Variants in DNAH9 observed in about 807,000 individuals in gnomAD.
The protein encoded by DNAH9 is dynein axonemal heavy chain 9.
A neutral mutation model predicts 471.6 loss-of-function variants in DNAH9; 345 were observed. That is an observed-to-expected ratio of 0.73 (90% CI 0.67 to 0.80). The LOEUF (loss-of-function observed/expected upper bound fraction) is 0.80, where lower values mean the gene tolerates loss of function less well. Ranked by LOEUF, DNAH9 falls within the 30% of genes least tolerant of loss-of-function variation. The pLI, the probability that DNAH9 is intolerant of heterozygous loss-of-function variation, is 0.00. For missense variants in DNAH9, 5,407 were observed against 5,609.2 expected (o/e 0.96, Z 1.15); for synonymous variants, 2,093 against 2,123.6 (o/e 0.99, Z 0.40).
chr17:11,826,655 G>A (rs547035634), intron 48 of DNAH9, among the ~76,000 whole-genome samples: 1 of 149,922 alleles, frequency 6.7e-6, no homozygotes, highest in South Asian at 2.1e-4. Context: ...ATGGAGACGG[G>A]GTTTCACCGT....
intron 65 of DNAH9, among the ~76,000 whole-genome samples, chr17:11,936,001 A>C (rs963957910): frequency 7.2e-5 from 11 of 152,234 alleles, no homozygotes; most frequent in Non-Finnish European, 1.2e-4. Context: ...ATTCGACAGG[A>C]GGCTGGAGCA....
At chr17:11,960,360 C>G (rs748178750) in intron 67 of DNAH9, among the ~76,000 whole-genome samples, 1 of 140,718 alleles carries the variant, frequency 7.1e-6, no homozygotes, top group East Asian at 2.2e-4. Flanking sequence ...TCCTTGAGCT[C>G]GGGAGGCAGA....
At chr17:11,946,312 C>T (rs566513337) in intron 67 of DNAH9, among the ~76,000 whole-genome samples, 14 of 151,428 alleles carry the variant, frequency 9.2e-5, no homozygotes, top group Admixed American at 5.3e-4. Context: ...TCAGGAGGGG[C>T]AATCAACCAC....
chr17:11,611,735 A>G lies in DNAH9; in HGVS notation c.859A>G (p.Ser287Gly). ...CAAGCTCCTGGACAAGCTTCAGAGT[A>G]GCTACTTTCCAGCTTTCAAAGCCAT... Reference protein sequence around the residue: ...MAKLLDKLQSSYFPAFKAMYR... With the variant: ...MAKLLDKLQSGYFPAFKAMYR... Residue 287 changes from serine to glycine, a missense_variant, in exon 4 of 69, where the codon AGC becomes GGC. By Grantham distance (56) the Ser-to-Gly change is moderately conservative (BLOSUM62 0). Coordinates refer to ENST00000262442, the MANE Select transcript of DNAH9 (RefSeq NM_001372.4). 6.2e-7 allele frequency: 1 copy of G among 1,614,130 alleles called. No homozygotes were observed. Among genetic ancestry groups the G allele is most frequent in the Non-Finnish European group, 8.5e-7 (1 of 1,179,924 alleles).
intron 26 of DNAH9, among the ~76,000 whole-genome samples, chr17:11,714,858 G>A (rs2074932284): frequency 6.6e-6 from 1 of 152,086 alleles, no homozygotes; most frequent in Non-Finnish European, 1.5e-5. Flanking sequence ...CCTCAGAAGT[G>A]AATTCTGCCA....
At chr17:11,650,727 G>C (rs2150700265) in intron 12 of DNAH9, among the ~76,000 whole-genome samples, 1 of 152,292 alleles carries the variant, frequency 6.6e-6, no homozygotes, top group East Asian at 1.9e-4. Flanking sequence ...CCTTGGATGG[G>C]AACTGGCTGG....
At chr17:11,875,266 T>A (rs1972431912) in intron 53 of DNAH9, 82 bp downstream of exon 53, 1 of 1,031,264 alleles carries the variant, frequency 9.7e-7, no homozygotes, top group Non-Finnish European at 1.4e-6. Context: ...TTAAGCCCAG[T>A]GAATGGTTTG....
At chr17:11,644,255 A>G (rs758364674) in intron 10 of DNAH9, among the ~76,000 whole-genome samples, 2 of 152,208 alleles carry the variant, frequency 1.3e-5, no homozygotes, top group Non-Finnish European at 2.9e-5. Flanking sequence ...TGTATATAAC[A>G]TTGATGGTCT....
chr17:11,664,272 G>GGAGA (rs529645630), intron 14 of DNAH9, among the ~76,000 whole-genome samples: 5 of 150,364 alleles, frequency 3.3e-5, no homozygotes, highest in African/African-American at 1.2e-4. Context: ...AGGAAGGAGG[G>GGAGA]GAGAGAGAGA....
At chr17:11,874,494 G>T (rs1013787226) in intron 52 of DNAH9, among the ~76,000 whole-genome samples, 1 of 152,166 alleles carries the variant, frequency 6.6e-6, no homozygotes, top group African/African-American at 2.4e-5. Context: ...GTGAAACAGA[G>T]GAGAGGAAAG....
chr17:11,963,629 C>T (rs1976436156), intron 68 of DNAH9, among the ~76,000 whole-genome samples: 1 of 151,850 alleles, frequency 6.6e-6, no homozygotes, highest in African/African-American at 2.4e-5. Context: ...AACAAATCTG[C>T]ATATGTATCC....
chr17:11,956,503 C>T (rs1280522737), intron 67 of DNAH9, among the ~76,000 whole-genome samples: 4 of 152,094 alleles, frequency 2.6e-5, no homozygotes, highest in Non-Finnish European at 5.9e-5. Context: ...ATTTTACAGA[C>T]ACTCCAACAA....
chr17:11,636,194 C>T (rs985008033), intron 8 of DNAH9, among the ~76,000 whole-genome samples: 3 of 151,996 alleles, frequency 2.0e-5, no homozygotes, highest in South Asian at 4.2e-4. Context: ...TTAGTAGAGA[C>T]GGGGTTTCAC....
At chr17:11,607,396 G>A (rs1343276707) in intron 1 of DNAH9, among the ~76,000 whole-genome samples, 1 of 152,104 alleles carries the variant, frequency 6.6e-6, no homozygotes, top group East Asian at 1.9e-4. Context: ...AGGGGCTGTG[G>A]AAAGCACACT....
Position 11,837,076 on chromosome 17 carries a change from GGTA to G in DNAH9, c.9507+2181_9507+2183del, listed in dbSNP as rs36087684. Among the ~76,000 whole-genome samples the G allele has an allele frequency of 1.0e-3, 156 of 152,264 alleles. 1 individual carries two copies. The highest frequency in any genetic ancestry group is 3.6e-3 in the African/African-American group (150 of 41,538). On this transcript the variant is annotated intron_variant, in intron 49 of 68. Transcript: ENST00000262442. Reference sequence around the variant, plus strand: ...TACACAGTAAATATTTGTTGTTGTTGGTAGTGGTGGTGGTGATGTTGTCATAAC... The same window carrying G: ...TACACAGTAAATATTTGTTGTTGTTGGTGGTGGTGGTGATGTTGTCATAAC...
chr17:11,612,746 C>T (rs11868695), intron 4 of DNAH9: 6 of 152,198 alleles, frequency 3.9e-5, no homozygotes, highest in African/African-American at 1.4e-4. Flanking sequence ...CTCCTCTTTG[C>T]TCTTCAGTAC....
At chr17:11,673,908 G>A (rs765823916) in intron 17 of DNAH9, among the ~76,000 whole-genome samples, 2 of 151,968 alleles carry the variant, frequency 1.3e-5, no homozygotes, top group African/African-American at 2.4e-5. Context: ...ATATGTATAT[G>A]CATACATACA....
At chr17:11,611,865 G>A (rs576509406) in intron 4 of DNAH9, 85 bp downstream of exon 4, 26 of 1,357,706 alleles carry the variant, frequency 1.9e-5, no homozygotes, top group Middle Eastern at 1.8e-4. Context: ...TCTGAATTCC[G>A]CAACTTCAAG....
chr17:11,686,201 C>G (rs1240026877), intron 19 of DNAH9, among the ~76,000 whole-genome samples: 1 of 152,094 alleles, frequency 6.6e-6, no homozygotes, highest in Non-Finnish European at 1.5e-5. Flanking sequence ...GGCAATTTCC[C>G]AGGAATCAAT....
Sources: allele counts gnomAD v4.1 joint callset (sites outside exome capture counted in the v4.1 genomes callset), GRCh38; gene constraint gnomAD v4.1.1; transcripts MANE v1.5; gene names NCBI Gene and HGNC (gene_info 2026-07-23, HGNC 2026-07-21).